The following CACNB2 variants were observed in gnomAD, a reference collection of about 807,000 sequenced individuals.
The protein encoded by CACNB2 is voltage-dependent L-type calcium channel subunit beta-2.
CACNB2 carries 42 observed loss-of-function variants against 73.3 expected under a neutral mutation model. That is an observed-to-expected ratio of 0.57 (90% CI 0.45 to 0.74). The LOEUF is 0.74. Ranked by LOEUF, CACNB2 falls within the 30% of genes least tolerant of loss-of-function variation. The pLI is 0.00. For missense variants in CACNB2, 940 were observed against 853.0 expected, an observed-to-expected ratio of 1.10 and a Z score of -1.27; for synonymous variants, 348 against 310.3, an observed-to-expected ratio of 1.12 and a Z score of -1.28.
At chr10:18,250,256 T>G (rs868310678) in intron 2 of CACNB2, among the ~76,000 whole-genome samples, 5 of 152,366 alleles carry the variant, frequency 3.3e-5, no homozygotes, top group Non-Finnish European at 7.3e-5. Flanking sequence ...GGTGTCCTTT[T>G]CAAAGTCCTC....
intron 10 of CACNB2, among the ~76,000 whole-genome samples, chr10:18,529,256 CTACTGATTA>C (rs1393848678): frequency 6.6e-6 from 1 of 152,116 alleles, no homozygotes; most frequent in East Asian, 1.9e-4. Context: ...TTTTTTACAA[CTACTGATTA>C]TACATTGTTT....
At chr10:18,529,026 C>G (rs1460868368) in intron 10 of CACNB2, among the ~76,000 whole-genome samples, 1 of 152,100 alleles carries the variant, frequency 6.6e-6, no homozygotes, top group East Asian at 1.9e-4. Context: ...GAGAGGGAGT[C>G]TCACTATGTT....
chr10:18,298,348 C>A (rs973424540), intron 2 of CACNB2, among the ~76,000 whole-genome samples: 3 of 148,432 alleles, frequency 2.0e-5, no homozygotes, highest in Non-Finnish European at 4.4e-5. Context: ...CCAGCCTGGG[C>A]GAAAGAGCGA....
intron 2 of CACNB2, among the ~76,000 whole-genome samples, chr10:18,182,775 T>C (rs539742307): frequency 1.3e-5 from 2 of 149,908 alleles, no homozygotes; most frequent in East Asian, 3.9e-4. Context: ...TGAGCCAAGA[T>C]CGCACCACTG....
intron 2 of CACNB2, among the ~76,000 whole-genome samples, chr10:18,163,815 G>C (rs776634956): frequency 7.2e-5 from 11 of 152,170 alleles, no homozygotes; most frequent in Non-Finnish European, 1.3e-4. Context: ...TTCTGTGAGA[G>C]AGACCAGGAC....
chr10:18,332,528 A>G (rs577181877), intron 2 of CACNB2, among the ~76,000 whole-genome samples: 1 of 152,340 alleles, frequency 6.6e-6, no homozygotes, highest in East Asian at 1.9e-4. Flanking sequence ...CCTCGCAGAA[A>G]CAAAGAGTAT....
chr10:18,385,587 A>G (rs966114973), intron 2 of CACNB2, among the ~76,000 whole-genome samples: 5 of 148,520 alleles, frequency 3.4e-5, no homozygotes, highest in Non-Finnish European at 6.0e-5. Context: ...AGATCGTGCC[A>G]AGCCGAGATC....
At chr10:18,511,812 G>A (rs1034235181) in intron 6 of CACNB2, among the ~76,000 whole-genome samples, 4 of 152,186 alleles carry the variant, frequency 2.6e-5, no homozygotes, top group African/African-American at 4.8e-5. Context: ...TCGCCTGGAT[G>A]GGCAGTGTGG....
At chr10:18,402,791 T>C (rs1358389546) in intron 3 of CACNB2, among the ~76,000 whole-genome samples, 2 of 152,226 alleles carry the variant, frequency 1.3e-5, no homozygotes, top group Non-Finnish European at 2.9e-5. Flanking sequence ...GTTTGTGGGA[T>C]ACTCAGTCAC....
At chr10:18,363,055 C>A (rs758578510) in intron 2 of CACNB2, among the ~76,000 whole-genome samples, 18 of 152,180 alleles carry the variant, frequency 1.2e-4, no homozygotes, top group Non-Finnish European at 2.5e-4. Flanking sequence ...AGTTTATCCA[C>A]CTGTCTCTCC....
rs908284124 is a variant in CACNB2, at chr10:18,322,985, C to T, written c.214-78939C>T. ...TTTTTTTTTTTTTTTTTTTTTGAGACAGGGTCTTGCTCTGTCACCCAGACT... is the reference window on the plus strand; with the variant it reads ...TTTTTTTTTTTTTTTTTTTTTGAGATAGGGTCTTGCTCTGTCACCCAGACT... On this transcript the variant is annotated intron_variant, in intron 2 of 13. Transcript: ENST00000324631. Among the ~76,000 whole-genome samples, 31 of 113,980 alleles carry T rather than the reference C, an allele frequency of 2.7e-4. 1 individual carries two copies. In the Admixed American group the frequency reaches 3.6e-3, roughly 13 times the overall value. 74.8% of individuals were successfully genotyped at this position (113,980 alleles called of 152,430 possible). A position where few individuals can be genotyped will look rare whatever the true frequency, so the allele number is the denominator to read the frequency against.
In CACNB2 at chr10:18,150,879, T is replaced by TTTTTG. The variant is rs769211879; in HGVS notation, c.121-3_121-2insTTTGT. ...TCTTTTTTTTTTTTTTTTTTTTTTT[T>TTTTTG]TAGTCATATGGAAAAGGAGCCAGAA... On this transcript the variant is annotated splice_polypyrimidine_tract_variant and splice_region_variant and intron_variant, in intron 1 of 13. Coordinates refer to ENST00000324631, the MANE Select transcript of CACNB2 (RefSeq NM_201596.3). 7,122 of 1,252,964 alleles carry TTTTTG rather than the reference T, an allele frequency of 5.7e-3. 329 individuals carry two copies. The highest frequency in any genetic ancestry group is 0.011 in the East Asian group (434 of 39,008). 77.6% of individuals were successfully genotyped at this position (1,252,964 alleles called of 1,614,324 possible).
chr10:18,156,826 C>T (rs942446754), intron 2 of CACNB2, among the ~76,000 whole-genome samples: 2 of 150,144 alleles, frequency 1.3e-5, no homozygotes, highest in Admixed American at 6.6e-5. Flanking sequence ...GTCAGGAGAT[C>T]GAGACCAGCC....
intron 7 of CACNB2, among the ~76,000 whole-genome samples, chr10:18,515,727 G>A (rs1197477987): frequency 6.6e-6 from 1 of 152,206 alleles, no homozygotes; most frequent in African/African-American, 2.4e-5. Flanking sequence ...TCTTGTTACA[G>A]CTAAAGCTTG....
intron 2 of CACNB2, among the ~76,000 whole-genome samples, chr10:18,320,843 C>T (rs910645696): frequency 3.3e-5 from 5 of 152,130 alleles, no homozygotes; most frequent in African/African-American, 1.2e-4. Context: ...TTTTTTTGCA[C>T]ATTTTGGATG....
At chr10:18,458,027 T>C (rs746962394) in intron 3 of CACNB2, among the ~76,000 whole-genome samples, 1 of 152,238 alleles carries the variant, frequency 6.6e-6, no homozygotes, top group Non-Finnish European at 1.5e-5. Context: ...ACAGACACAT[T>C]TCACTAAGCC....
chr10:18,371,454 G>A (rs2042580974), intron 2 of CACNB2, among the ~76,000 whole-genome samples: 1 of 152,020 alleles, frequency 6.6e-6, no homozygotes, highest in Non-Finnish European at 1.5e-5. Flanking sequence ...GAGAACATGT[G>A]GTGTTTGGTT....
At chr10:18,529,601 G>A (rs181142430) in intron 10 of CACNB2, among the ~76,000 whole-genome samples, 5 of 152,244 alleles carry the variant, frequency 3.3e-5, no homozygotes, top group South Asian at 2.1e-4. Flanking sequence ...ACAGTGATTC[G>A]AGACAGTGAA....
chr10:18,161,829 T>C (rs1021685256), intron 2 of CACNB2, among the ~76,000 whole-genome samples: 13 of 151,870 alleles, frequency 8.6e-5, no homozygotes, highest in Admixed American at 6.6e-4. Context: ...CTGGGGAGGG[T>C]GAGGCATGAG....
Sources: allele counts gnomAD v4.1 joint callset (sites outside exome capture counted in the v4.1 genomes callset), GRCh38; gene constraint gnomAD v4.1.1; transcripts MANE v1.5; gene names NCBI Gene and HGNC (gene_info 2026-07-23, HGNC 2026-07-21).